Variants in MACROD2 observed in about 807,000 individuals in gnomAD.
MACROD2 encodes mono-ADP ribosylhydrolase 2, also known as ADP-ribose glycohydrolase MACROD2.
A neutral mutation model predicts 70.4 loss-of-function variants in MACROD2; 36 were observed. That is an observed-to-expected ratio of 0.51 (90% CI 0.39 to 0.68). The LOEUF (loss-of-function observed/expected upper bound fraction) is 0.68, where lower values mean the gene tolerates loss of function less well. MACROD2 is among the 30% of genes least tolerant of loss of function. The probability of loss-of-function intolerance (pLI) is 0.00; values close to 1 mark genes in which losing one functional copy is unlikely to be tolerated. For synonymous variants in MACROD2, 172 were observed against 178.8 expected (o/e 0.96, Z 0.30); for missense variants, 496 against 538.4 (o/e 0.92, Z 0.78).
chr20:15,028,895 A>G (rs1019178581), intron 5 of MACROD2, among the ~76,000 whole-genome samples: 1 of 152,226 alleles, frequency 6.6e-6, no homozygotes, highest in Non-Finnish European at 1.5e-5. Context: ...GGTTGGAGAA[A>G]TGGGCAAGGA....
chr20:15,670,199 A>G (rs1340454533), intron 8 of MACROD2, among the ~76,000 whole-genome samples: 1 of 152,234 alleles, frequency 6.6e-6, no homozygotes, highest in Admixed American at 6.5e-5. Context: ...GGAAAGCAAC[A>G]GTTAAATAGA....
chr20:14,902,370 A>T (rs1170445122), intron 5 of MACROD2, among the ~76,000 whole-genome samples: 1 of 152,218 alleles, frequency 6.6e-6, no homozygotes, highest in Non-Finnish European at 1.5e-5. Context: ...GGTCAGCCAC[A>T]TTGTTCCTTG....
chr20:14,396,918 C>A (rs1408153777), intron 3 of MACROD2, among the ~76,000 whole-genome samples: 19 of 85,786 alleles, frequency 2.2e-4, no homozygotes, highest in Admixed American at 2.1e-3. Context: ...GAGCGAGACT[C>A]CATCTCAAAA....
intron 7 of MACROD2, among the ~76,000 whole-genome samples, chr20:15,485,522 C>T (rs1447182716): frequency 6.6e-6 from 1 of 152,106 alleles, no homozygotes; most frequent in Non-Finnish European, 1.5e-5. Flanking sequence ...TATGCCTTTT[C>T]TGGGGTTTCC....
chr20:14,245,042 C>T (rs1182602402), intron 3 of MACROD2, among the ~76,000 whole-genome samples: 1 of 152,124 alleles, frequency 6.6e-6, no homozygotes, highest in African/African-American at 2.4e-5. Flanking sequence ...GGTGAGTAGA[C>T]TGAAACTAAG....
chr20:15,454,445 A>ACACG lies in MACROD2; in HGVS notation c.571+23013_571+23014insGCAC, dbSNP rs573988254. 4.7e-3 allele frequency among the ~76,000 whole-genome samples: 580 copies of ACACG among 123,882 alleles called. 6 individuals are homozygous for ACACG. Among genetic ancestry groups the ACACG allele is most frequent in the African/African-American group, 0.015 (544 of 36,016 alleles). 81.3% of individuals were successfully genotyped at this position (123,882 alleles called of 152,430 possible). ...CACACACACACACACACACACACAC[A>ACACG]CACACACACCCTTATTATACAACTT... On this transcript the variant is annotated intron_variant, in intron 7 of 17. Transcript: ENST00000684519.
chr20:14,762,665 C>A (rs1010343187), intron 5 of MACROD2, among the ~76,000 whole-genome samples: 1 of 152,076 alleles, frequency 6.6e-6, no homozygotes, highest in Non-Finnish European at 1.5e-5. Flanking sequence ...TGCAGTGGCT[C>A]ATGCCTGTAA....
chr20:14,096,523 C>T (rs1025608641), intron 3 of MACROD2, among the ~76,000 whole-genome samples: 4 of 151,952 alleles, frequency 2.6e-5, no homozygotes, highest in African/African-American at 9.7e-5. Flanking sequence ...GGCAGCACCA[C>T]ACCTGGCTAA....
intron 3 of MACROD2, among the ~76,000 whole-genome samples, chr20:14,361,593 C>T (rs980706851): frequency 1.3e-5 from 2 of 152,192 alleles, no homozygotes; most frequent in African/African-American, 4.8e-5. Context: ...TGGTACTTCC[C>T]TCATTCTTCC....
intron 8 of MACROD2, among the ~76,000 whole-genome samples, chr20:15,705,765 A>G (rs2050523522): frequency 6.6e-6 from 1 of 152,238 alleles, no homozygotes; most frequent in African/African-American, 2.4e-5. Flanking sequence ...AATTCAGAGA[A>G]AAATGTTTAC....
At chr20:15,227,836 T>TTTGTTTG (rs1555794561) in intron 5 of MACROD2, among the ~76,000 whole-genome samples, 16 of 124,672 alleles carry the variant, frequency 1.3e-4, no homozygotes, top group African/African-American at 4.4e-4. Context: ...TTTTTTTTTT[T>TTTGTTTG]TTTTTTTTTT....
intron 8 of MACROD2, among the ~76,000 whole-genome samples, chr20:15,695,546 G>A (rs2050356190): frequency 6.6e-6 from 1 of 151,996 alleles, no homozygotes; most frequent in Non-Finnish European, 1.5e-5. Context: ...GAGTAGCTGG[G>A]ACTACAGGCA....
intron 5 of MACROD2, among the ~76,000 whole-genome samples, chr20:15,185,345 A>C (rs1173006998): frequency 6.6e-6 from 1 of 152,142 alleles, no homozygotes. Flanking sequence ...GATGCCTCGA[A>C]ATGTCTATGG....
intron 3 of MACROD2, among the ~76,000 whole-genome samples, chr20:14,199,738 C>A (rs1246570126): frequency 6.6e-6 from 1 of 151,694 alleles, no homozygotes; most frequent in Non-Finnish European, 1.5e-5. Flanking sequence ...TAATTATGTA[C>A]CAGGCTAATT....
intron 15 of MACROD2, among the ~76,000 whole-genome samples, chr20:16,029,150 A>G (rs880169): frequency 0.086 from 13,025 of 152,210 alleles, 575 homozygotes; most frequent in East Asian, 0.14. Context: ...CCACAGTCCT[A>G]TCAGATTAAG....
Position 15,314,953 on chromosome 20 carries a change from G to A in MACROD2, c.540+84892G>A, listed in dbSNP as rs189335373. ...GCTGATTGCTAGGCCAATGCAAGCA[G>A]GAAGTGAAGGTTAAGACAGAATTTT... On this transcript the variant is annotated intron_variant, in intron 6 of 17. Transcript: ENST00000684519. Among the ~76,000 whole-genome samples, 217 of 152,332 alleles carry A rather than the reference G, an allele frequency of 1.4e-3. 1 individual carries two copies. The highest frequency in any genetic ancestry group is 5.0e-3 in the African/African-American group (209 of 41,576).
intron 8 of MACROD2, among the ~76,000 whole-genome samples, chr20:15,630,079 G>C (rs879212214): frequency 2.0e-5 from 3 of 152,174 alleles, no homozygotes; most frequent in Admixed American, 1.3e-4. Flanking sequence ...TAGTGCTTCC[G>C]GTCCTGCTTT....
chr20:14,367,859 T>C (rs2083286626), intron 3 of MACROD2, among the ~76,000 whole-genome samples: 1 of 152,182 alleles, frequency 6.6e-6, no homozygotes, highest in African/African-American at 2.4e-5. Flanking sequence ...TTCTGTCTGC[T>C]GTTTCTTTTT....
intron 7 of MACROD2, among the ~76,000 whole-genome samples, chr20:15,492,521 G>T (rs1310056288): frequency 6.6e-6 from 1 of 152,136 alleles, no homozygotes; most frequent in Non-Finnish European, 1.5e-5. Context: ...CAGAACTTGT[G>T]TGCTAAGATG....
Sources: gnomAD v4.1 joint callset for allele counts (sites outside exome capture counted in the v4.1 genomes callset) on GRCh38, gnomAD v4.1.1 for gene constraint, MANE v1.5 for transcripts, NCBI Gene and HGNC (gene_info 2026-07-23, HGNC 2026-07-21) for gene names.